LAMA2: variants seen among roughly 807,000 people sequenced by gnomAD.
The protein encoded by LAMA2 is laminin subunit alpha 2, also known as laminin subunit alpha-2.
A neutral mutation model predicts 364.8 loss-of-function variants in LAMA2; 269 were observed. That is an observed-to-expected ratio of 0.74 (90% CI 0.67 to 0.82). The LOEUF (loss-of-function observed/expected upper bound fraction) is 0.82. LAMA2 is among the 40% of genes least tolerant of loss of function. LAMA2 has a pLI of 0.00. For missense variants in LAMA2, 3,807 were observed against 3,873.2 expected (o/e 0.98, Z 0.45); for synonymous variants, 1,379 against 1,370.6 (o/e 1.01, Z -0.14).
chr6:128,937,170 C>T (rs968266260), intron 1 of LAMA2, among the ~76,000 whole-genome samples: 17 of 152,136 alleles, frequency 1.1e-4, no homozygotes, highest in African/African-American at 2.9e-4. Context: ...TCACATTTAT[C>T]GACTCATGTA....
chr6:129,161,914 A>C (rs1583163132), intron 8 of LAMA2, among the ~76,000 whole-genome samples: 1 of 152,234 alleles, frequency 6.6e-6, no homozygotes, highest in East Asian at 1.9e-4. Context: ...GATGGTACCT[A>C]GGTTGATTCC....
chr6:129,487,163 G>A (rs1784632246), intron 56 of LAMA2, among the ~76,000 whole-genome samples: 1 of 152,196 alleles, frequency 6.6e-6, no homozygotes, highest in Non-Finnish European at 1.5e-5. Context: ...CTTTCTGAGG[G>A]AACAGAATCA....
At chr6:129,436,756 G>A (rs572984943) in intron 41 of LAMA2, 1 of 152,104 alleles carries the variant, frequency 6.6e-6, no homozygotes, top group South Asian at 2.1e-4. Context: ...ACATCTTACT[G>A]TTGCTTAGTT....
chr6:129,265,766 A>G (rs913286775), intron 15 of LAMA2, among the ~76,000 whole-genome samples: 9 of 152,070 alleles, frequency 5.9e-5, no homozygotes, highest in Non-Finnish European at 1.3e-4. Flanking sequence ...TCTAATGTAG[A>G]TGATGGGTTG....
At chr6:129,045,216 C>CAT (rs1186263568) in intron 1 of LAMA2, among the ~76,000 whole-genome samples, 2 of 152,084 alleles carry the variant, frequency 1.3e-5, no homozygotes, top group East Asian at 3.9e-4. Context: ...ATTTTGAGCA[C>CAT]ATAATCAGTA....
chr6:129,192,956 C>T (rs1221436659), intron 12 of LAMA2, 103 bp downstream of exon 12: 2 of 1,193,802 alleles, frequency 1.7e-6, no homozygotes, highest in African/African-American at 3.0e-5. Flanking sequence ...CAAATACACA[C>T]TGAATTGGAT....
At chr6:129,382,220 A>G (rs1337907826) in intron 34 of LAMA2, among the ~76,000 whole-genome samples, 3 of 152,224 alleles carry the variant, frequency 2.0e-5, no homozygotes, top group Non-Finnish European at 4.4e-5. Flanking sequence ...TCTTTTTAGT[A>G]AAAGAGAAGA....
intron 16 of LAMA2, among the ~76,000 whole-genome samples, chr6:129,268,417 T>C (rs1248899073): frequency 6.6e-6 from 1 of 152,070 alleles, no homozygotes. Flanking sequence ...AAAACTGACA[T>C]GGAATTGTTT....
intron 1 of LAMA2, among the ~76,000 whole-genome samples, chr6:128,908,466 G>A (rs1208061913): frequency 8.8e-4 from 131 of 148,672 alleles, no homozygotes; most frequent in African/African-American, 3.0e-3. Context: ...GTATTTCTGT[G>A]GGATCGGTGG....
chr6:129,315,440 A>G (rs373949180), intron 24 of LAMA2, 36 bp from the exon 25 acceptor site: 1 of 1,596,678 alleles, frequency 6.3e-7, no homozygotes, highest in South Asian at 1.1e-5. Context: ...TCCAAAGCGT[A>G]AATTCAGCCT....
intron 45 of LAMA2, among the ~76,000 whole-genome samples, chr6:129,447,759 C>T (rs1032132522): frequency 3.9e-5 from 6 of 152,118 alleles, no homozygotes; most frequent in Non-Finnish European, 8.8e-5. Context: ...AAAAGAAGAA[C>T]GTGATGTACC....
rs11964497 is a variant in LAMA2, at chr6:129,073,011, C to T, written c.396+13115C>T. ...GTAAACTTCCATCAAGAAAGTATCCCATTTCTTTTCTGCCTTTTTTAAATG... is the reference window on the plus strand; with the variant it reads ...GTAAACTTCCATCAAGAAAGTATCCTATTTCTTTTCTGCCTTTTTTAAATG... On this transcript the variant is annotated intron_variant, in intron 3 of 64. Coordinates refer to ENST00000421865, the MANE Select transcript of LAMA2 (RefSeq NM_000426.4). 8.6e-3 allele frequency among the ~76,000 whole-genome samples: 1,312 copies of T among 151,906 alleles called. 15 individuals are homozygous for T. Among genetic ancestry groups the T allele is most frequent in the Admixed American group, 0.03 (461 of 15,238 alleles).
At chr6:129,367,292 C>T (rs147361284) in intron 33 of LAMA2, among the ~76,000 whole-genome samples, 2 of 152,100 alleles carry the variant, frequency 1.3e-5, no homozygotes, top group Non-Finnish European at 2.9e-5. Context: ...TATAGAATAC[C>T]TCAGCATTGC....
chr6:128,955,422 A>G (rs1184331887), intron 1 of LAMA2, among the ~76,000 whole-genome samples: 1 of 151,962 alleles, frequency 6.6e-6, no homozygotes, highest in Non-Finnish European at 1.5e-5. Context: ...TTATTTAACC[A>G]CTAGCCTACA....
intron 4 of LAMA2, among the ~76,000 whole-genome samples, chr6:129,103,517 A>G (rs995266692): frequency 6.6e-6 from 1 of 152,192 alleles, no homozygotes; most frequent in Non-Finnish European, 1.5e-5. Context: ...CTGGGATCCA[A>G]TTCAGGTACT....
At chr6:128,995,294 T>C (rs770131339) in intron 1 of LAMA2, among the ~76,000 whole-genome samples, 1 of 152,182 alleles carries the variant, frequency 6.6e-6, no homozygotes, top group Non-Finnish European at 1.5e-5. Context: ...CAAATGAATC[T>C]GTCATTCAGG....
At chr6:129,215,522 C>T (rs1012772894) in intron 12 of LAMA2, among the ~76,000 whole-genome samples, 1 of 151,908 alleles carries the variant, frequency 6.6e-6, no homozygotes, top group Non-Finnish European at 1.5e-5. Flanking sequence ...TTTCTTAAGC[C>T]CAGCTCATAT....
At chr6:129,494,835 C>T (rs73776190) in intron 58 of LAMA2, among the ~76,000 whole-genome samples, 6,226 of 152,248 alleles carry the variant, frequency 0.041, 292 homozygotes, top group African/African-American at 0.11. Flanking sequence ...TCTTCACCCT[C>T]ATATACCTGA....
At chr6:129,022,743 G>A (rs564648768) in intron 1 of LAMA2, among the ~76,000 whole-genome samples, 4 of 152,036 alleles carry the variant, frequency 2.6e-5, no homozygotes, top group South Asian at 4.1e-4. Context: ...GCTACAAACC[G>A]CCGACACAAC....
Sources: allele counts gnomAD v4.1 joint callset (sites outside exome capture counted in the v4.1 genomes callset), GRCh38; gene constraint gnomAD v4.1.1; transcripts MANE v1.5; gene names NCBI Gene and HGNC (gene_info 2026-07-23, HGNC 2026-07-21).